The following ASTN2 variants were observed in gnomAD, a reference collection of about 807,000 sequenced individuals.
ASTN2 encodes the protein astrotactin 2.
In ASTN2, 54 loss-of-function variants were observed where a neutral mutation model predicts 139.8. That is an observed-to-expected ratio of 0.39 (90% CI 0.31 to 0.48). The LOEUF (loss-of-function observed/expected upper bound fraction) is 0.48, where lower values mean the gene tolerates loss of function less well. ASTN2 is among the 20% of genes least tolerant of loss of function. The pLI is 0.95. For missense variants in ASTN2, 1,565 were observed against 1,725.1 expected, an observed-to-expected ratio of 0.91 and a Z score of 1.64; for synonymous variants, 756 against 719.5, an observed-to-expected ratio of 1.05 and a Z score of -0.81.
chr9:116,822,524 C>G (rs1189546044), intron 11 of ASTN2, among the ~76,000 whole-genome samples: 1 of 152,114 alleles, frequency 6.6e-6, no homozygotes, highest in Non-Finnish European at 1.5e-5. Flanking sequence ...GTACTGGGGC[C>G]TGGCTTCAGT....
intron 3 of ASTN2, among the ~76,000 whole-genome samples, chr9:117,163,701 A>G (rs1034138093): frequency 1.3e-5 from 2 of 152,114 alleles, no homozygotes; most frequent in African/African-American, 4.8e-5. Context: ...CAATCGATAT[A>G]TACAATTTAT....
At chr9:116,991,343 C>T (rs947583502) in intron 7 of ASTN2, among the ~76,000 whole-genome samples, 7 of 152,182 alleles carry the variant, frequency 4.6e-5, no homozygotes, top group African/African-American at 1.7e-4. Context: ...CTGCTAAGTG[C>T]TGCATTTCAA....
chr9:117,027,826 T>A (rs1838132702), intron 6 of ASTN2, among the ~76,000 whole-genome samples: 2 of 152,162 alleles, frequency 1.3e-5, no homozygotes, highest in Admixed American at 1.3e-4. Context: ...TGTGAGGGTG[T>A]GATTGGCATT....
chr9:116,702,148 C>T (rs1460733340), intron 16 of ASTN2, among the ~76,000 whole-genome samples: 1 of 152,056 alleles, frequency 6.6e-6, no homozygotes, highest in Non-Finnish European at 1.5e-5. Context: ...AGTCATGTGG[C>T]CTTGGGCAAG....
At chr9:116,727,192 T>A (rs10125636) in intron 15 of ASTN2, among the ~76,000 whole-genome samples, 2 of 151,918 alleles carry the variant, frequency 1.3e-5, no homozygotes, top group Admixed American at 1.3e-4. Context: ...ATGCACCACC[T>A]TAAAGTCGGA....
At chr9:117,391,156 T>C (rs1830529701) in intron 1 of ASTN2, among the ~76,000 whole-genome samples, 2 of 152,144 alleles carry the variant, frequency 1.3e-5, no homozygotes, top group African/African-American at 4.8e-5. Context: ...ACTGTAAGGA[T>C]ACGGAGGGCC....
At chr9:116,607,670 AACACACACACACAC>A (rs57512218) in intron 19 of ASTN2, among the ~76,000 whole-genome samples, 23,155 of 136,226 alleles carry the variant, frequency 0.17, 2,086 homozygotes, top group Middle Eastern at 0.27. Flanking sequence ...TTAAGAAATT[AACACACACACACAC>A]ACACACACAC....
chr9:117,268,475 C>T (rs1833986487), intron 2 of ASTN2, among the ~76,000 whole-genome samples: 1 of 152,186 alleles, frequency 6.6e-6, no homozygotes, highest in Non-Finnish European at 1.5e-5. Flanking sequence ...CTTAATCACT[C>T]TGGCTAGAAG....
Position 116,625,956 on chromosome 9 carries a change from T to C in ASTN2, c.3073-5513A>G, listed in dbSNP as rs556247312. The stretch of plus-strand genomic sequence containing the variant: ...TGTCCTCGCCTATCAAACTGTGAAC[T>C]TCTCCATGGCAAGGTCATAAATTTG... On this transcript the variant is annotated intron_variant, in intron 17 of 22. Transcript: ENST00000313400. 1.2e-4 allele frequency among the ~76,000 whole-genome samples: 18 copies of C among 152,074 alleles called. No homozygotes were observed. The South Asian group carries it at 3.7e-3, about 32-fold the overall frequency.
At chr9:116,972,939 T>A (rs1379365757) in intron 10 of ASTN2, among the ~76,000 whole-genome samples, 1 of 152,214 alleles carries the variant, frequency 6.6e-6, no homozygotes, top group African/African-American at 2.4e-5. Flanking sequence ...ATAATTATGA[T>A]CTATTATTTA....
At chr9:116,861,339 G>T (rs527387497) in intron 11 of ASTN2, among the ~76,000 whole-genome samples, 1 of 151,992 alleles carries the variant, frequency 6.6e-6, no homozygotes, top group African/African-American at 2.4e-5. Flanking sequence ...TGAGAAAAGA[G>T]AACTAATGGA....
chr9:117,321,997 C>T (rs1395975719), intron 1 of ASTN2, among the ~76,000 whole-genome samples: 1 of 152,140 alleles, frequency 6.6e-6, no homozygotes, highest in Non-Finnish European at 1.5e-5. Context: ...AAAGCAAATT[C>T]TTTAAAAAAG....
chr9:117,289,936 GA>G (rs1267343987), intron 2 of ASTN2, among the ~76,000 whole-genome samples: 1 of 152,176 alleles, frequency 6.6e-6, no homozygotes, highest in Non-Finnish European at 1.5e-5. Flanking sequence ...TCCAAAAAGA[GA>G]AAACTTCTAA....
At chr9:116,842,740 G>T (rs1395504421) in intron 11 of ASTN2, among the ~76,000 whole-genome samples, 1 of 149,108 alleles carries the variant, frequency 6.7e-6, no homozygotes, top group Non-Finnish European at 1.5e-5. Flanking sequence ...GCGAGGGTGG[G>T]GTGGGGCGGG....
intron 16 of ASTN2, among the ~76,000 whole-genome samples, chr9:116,705,600 C>G (rs530947993): frequency 2.0e-5 from 3 of 152,082 alleles, no homozygotes; most frequent in Non-Finnish European, 4.4e-5. Flanking sequence ...ACTTATTAAA[C>G]ATATATAAGA....
At chr9:116,837,275 G>A (rs1337090250) in intron 11 of ASTN2, among the ~76,000 whole-genome samples, 1 of 152,196 alleles carries the variant, frequency 6.6e-6, no homozygotes, top group Non-Finnish European at 1.5e-5. Context: ...TTTATAGTAA[G>A]TAGGTGAGAA....
At chr9:116,636,177 G>A (rs148091465) in intron 17 of ASTN2, among the ~76,000 whole-genome samples, 8 of 152,224 alleles carry the variant, frequency 5.3e-5, no homozygotes, top group East Asian at 1.9e-4. Flanking sequence ...CCTTCTGAGC[G>A]TCAGTCTCCT....
intron 4 of ASTN2, 125 bp downstream of exon 4, chr9:117,141,201 G>A (rs1008473582): frequency 2.5e-5 from 26 of 1,046,926 alleles, no homozygotes; most frequent in Non-Finnish European, 3.0e-5. Context: ...GATTTATCAG[G>A]GAGAAAGTGG....
chr9:116,890,813 T>G (rs1588388512), intron 10 of ASTN2, among the ~76,000 whole-genome samples: 1 of 151,256 alleles, frequency 6.6e-6, no homozygotes. Flanking sequence ...GGCAGGGGGG[T>G]GGAGCGGGGG....
Sources: allele counts gnomAD v4.1 joint callset (sites outside exome capture counted in the v4.1 genomes callset), GRCh38; gene constraint gnomAD v4.1.1; transcripts MANE v1.5; gene names NCBI Gene and HGNC (gene_info 2026-07-23, HGNC 2026-07-21).